The following TENM2 variants were observed in gnomAD, a reference collection of about 807,000 sequenced individuals.
TENM2 encodes teneurin-2.
In TENM2, 52 loss-of-function variants were observed where a neutral mutation model predicts 245.2. The ratio of observed to expected loss-of-function variants is 0.21; its 90% CI spans 0.17 to 0.27. TENM2 has a LOEUF of 0.27. Ranked by LOEUF, TENM2 falls within the 10% of genes least tolerant of loss-of-function variation. The pLI is 1.00. For missense variants in TENM2, 3,046 were observed against 3,666.8 expected (o/e 0.83, Z 4.37); for synonymous variants, 1,363 against 1,438.9 (o/e 0.95, Z 1.19).
intron 2 of TENM2, among the ~76,000 whole-genome samples, chr5:167,659,086 T>C (rs1755038166): frequency 6.6e-6 from 1 of 152,218 alleles, no homozygotes; most frequent in African/African-American, 2.4e-5. Context: ...CCACAGAATG[T>C]ATTTCCAACC....
chr5:167,457,302 ATTTTATT>A (rs1765984025), intron 2 of TENM2, among the ~76,000 whole-genome samples: 1 of 126,570 alleles, frequency 7.9e-6, no homozygotes, highest in Non-Finnish European at 1.6e-5. Flanking sequence ...ATTTTATTTT[ATTTTATT>A]TTATTTTATT....
chr5:167,471,685 TG>T (rs1767040715), intron 2 of TENM2, among the ~76,000 whole-genome samples: 1 of 152,224 alleles, frequency 6.6e-6, no homozygotes, highest in Non-Finnish European at 1.5e-5. Context: ...AATACGAATG[TG>T]TCCTATGACA....
exon 17 of TENM2, chr5:168,199,898 A>C (rs540706798): frequency 1.9e-6 from 3 of 1,613,950 alleles, no homozygotes; most frequent in African/African-American, 2.7e-5. Flanking sequence ...CCTGGTTCCA[A>C]TGTGAAACTT....
intron 2 of TENM2, among the ~76,000 whole-genome samples, chr5:167,767,692 A>G (rs1349606420): frequency 6.6e-6 from 1 of 152,234 alleles, no homozygotes; most frequent in East Asian, 1.9e-4. Context: ...GTGGCAATAG[A>G]GAGGCAGAGA....
chr5:167,991,294 C>T (rs1339641761), intron 4 of TENM2, among the ~76,000 whole-genome samples: 1 of 152,212 alleles, frequency 6.6e-6, no homozygotes, highest in Non-Finnish European at 1.5e-5. Context: ...GGACTTCATT[C>T]ATTCACTCAT....
chr5:167,910,022 A>G (rs928731218), intron 3 of TENM2, among the ~76,000 whole-genome samples: 1 of 151,724 alleles, frequency 6.6e-6, no homozygotes, highest in African/African-American at 2.4e-5. Context: ...CTGACCTATG[A>G]CTTGTCTCTT....
At chr5:168,005,253 A>C (rs1784731388) in intron 5 of TENM2, among the ~76,000 whole-genome samples, 2 of 152,320 alleles carry the variant, frequency 1.3e-5, no homozygotes, top group South Asian at 4.1e-4. Flanking sequence ...ATGCATCTTG[A>C]AGGAAGAAAA....
At chr5:167,351,124 G>GATAT (rs1257541220) in intron 1 of TENM2, among the ~76,000 whole-genome samples, 1 of 120,106 alleles carries the variant, frequency 8.3e-6, no homozygotes, top group South Asian at 2.9e-4. Flanking sequence ...TATACATATG[G>GATAT]ATATATATAT....
At chr5:167,796,633 T>C (rs971660979) in intron 2 of TENM2, among the ~76,000 whole-genome samples, 1 of 152,062 alleles carries the variant, frequency 6.6e-6, no homozygotes, top group Non-Finnish European at 1.5e-5. Context: ...TGTGTGTGTG[T>C]GCGTGTGCAG....
At chr5:167,699,823 C>T (rs1304655802) in intron 2 of TENM2, among the ~76,000 whole-genome samples, 2 of 152,140 alleles carry the variant, frequency 1.3e-5, no homozygotes, top group African/African-American at 4.8e-5. Context: ...CAGTAGGTTC[C>T]CCACAAGCCC....
intron 2 of TENM2, among the ~76,000 whole-genome samples, chr5:167,637,032 T>A (rs1018038892): frequency 1.3e-5 from 2 of 152,190 alleles, no homozygotes; most frequent in African/African-American, 2.4e-5. Context: ...AATTATTTGA[T>A]CTTTCATTGC....
intron 2 of TENM2, among the ~76,000 whole-genome samples, chr5:167,685,908 A>G (rs932186566): frequency 7.9e-5 from 12 of 152,194 alleles, no homozygotes; most frequent in Non-Finnish European, 1.3e-4. Context: ...AGAAGCAGGT[A>G]GTTATCAGCA....
intron 2 of TENM2, among the ~76,000 whole-genome samples, chr5:167,503,522 T>C (rs1582226065): frequency 6.6e-6 from 1 of 151,694 alleles, no homozygotes; most frequent in East Asian, 1.9e-4. Flanking sequence ...TCTTCCTTTT[T>C]TTTTTTTGGT....
chr5:167,317,407 T>C (rs1405638341), intron 1 of TENM2, among the ~76,000 whole-genome samples: 1 of 152,176 alleles, frequency 6.6e-6, no homozygotes, highest in African/African-American at 2.4e-5. Context: ...AGACTCATAA[T>C]GCTAGAGGAG....
At chr5:167,162,096 G>T in the TENM2 span, among the ~76,000 whole-genome samples, 1 of 151,232 alleles carries the variant, frequency 6.6e-6, no homozygotes, top group Non-Finnish European at 1.5e-5. Flanking sequence ...AACCCAGGAG[G>T]CAGAGGCTGC....
At chr5:167,053,036 A>G in the TENM2 span, among the ~76,000 whole-genome samples, 1 of 152,026 alleles carries the variant, frequency 6.6e-6, no homozygotes, top group East Asian at 1.9e-4. Context: ...CTAAACTCCA[A>G]TCCTCAGAAA....
intron 3 of TENM2, among the ~76,000 whole-genome samples, chr5:167,931,545 C>A (rs1778282409): frequency 8.3e-6 from 1 of 120,162 alleles, no homozygotes; most frequent in Non-Finnish European, 1.8e-5. Flanking sequence ...CCCCATAAAC[C>A]CATTGGAAAA....
chr5:168,019,023 C>T (rs1448434219), intron 5 of TENM2, among the ~76,000 whole-genome samples: 3 of 152,048 alleles, frequency 2.0e-5, no homozygotes, highest in Non-Finnish European at 4.4e-5. Flanking sequence ...GGGGAGATGG[C>T]ATTTGATATG....
intron 12 of TENM2, among the ~76,000 whole-genome samples, chr5:168,144,691 T>C (rs1446928150): frequency 6.6e-6 from 1 of 151,898 alleles, no homozygotes; most frequent in Non-Finnish European, 1.5e-5. Context: ...TTTGGGTATA[T>C]ACCCAGTAAT....
Sources: gnomAD v4.1 joint callset for allele counts (sites outside exome capture counted in the v4.1 genomes callset) on GRCh38, gnomAD v4.1.1 for gene constraint, MANE v1.5 for transcripts, NCBI Gene and HGNC (gene_info 2026-07-23, HGNC 2026-07-21) for gene names.